CENPK: variants seen among roughly 807,000 people sequenced by gnomAD.
CENPK encodes SoxLZ/Sox6-binding protein Solt.
CENPK carries 46 observed loss-of-function variants against 40.9 expected under a neutral mutation model. The observed-to-expected ratio is 1.13, with a 90% confidence interval of 0.89 to 1.44. CENPK has a LOEUF of 1.44. CENPK is among the 40% of genes most tolerant of loss of function. CENPK has a pLI of 0.00. For synonymous variants in CENPK, 107 were observed against 104.4 expected, an observed-to-expected ratio of 1.02 and a Z score of -0.15; for missense variants, 288 against 303.5, an observed-to-expected ratio of 0.95 and a Z score of 0.38.
intron 10 of CENPK, among the ~76,000 whole-genome samples, chr5:65,519,650 A>C (rs754961639): frequency 1.3e-5 from 2 of 152,200 alleles, no homozygotes; most frequent in African/African-American, 2.4e-5. Context: ...GTGCCATAGA[A>C]ATAAATCAAA....
chr5:65,509,703 T>A, the CENPK span, among the ~76,000 whole-genome samples: 5 of 152,232 alleles, frequency 3.3e-5, no homozygotes, highest in Non-Finnish European at 5.9e-5. Context: ...TTAATGAGTT[T>A]CCCTTTACAG....
chr5:65,562,596 A>G (rs751434749), intron 1 of CENPK, among the ~76,000 whole-genome samples: 11 of 152,200 alleles, frequency 7.2e-5, no homozygotes, highest in Non-Finnish European at 1.3e-4. Flanking sequence ...TTAAGATAAT[A>G]CATTTTATGT....
intron 6 of CENPK, among the ~76,000 whole-genome samples, chr5:65,530,570 AT>A (rs1745613214): frequency 6.6e-6 from 1 of 152,248 alleles, no homozygotes; most frequent in African/African-American, 2.4e-5. Flanking sequence ...CTAGTGTTCC[AT>A]TCTCCTGATC....
In CENPK at chr5:65,518,291, T is replaced by C; in HGVS notation, c.*184A>G. 1 of 576,994 alleles carries C rather than the reference T, an allele frequency of 1.7e-6. No individual in the cohort carries two copies. Among genetic ancestry groups the C allele is most frequent in the South Asian group, 2.2e-5 (1 of 44,450 alleles). 35.7% of individuals were successfully genotyped at this position (576,994 alleles called of 1,614,324 possible). The stretch of plus-strand genomic sequence containing the variant: ...CATATAGTTTAAAACACTAAAGCAC[T>C]CACTGAATAAGAAATGACCATTTAA... On this transcript the variant is annotated 3_prime_UTR_variant, in exon 11 of 11. Transcript: ENST00000396679.
intron 9 of CENPK, among the ~76,000 whole-genome samples, chr5:65,527,847 A>G (rs1204774538): frequency 6.6e-6 from 1 of 152,156 alleles, no homozygotes; most frequent in Non-Finnish European, 1.5e-5. Flanking sequence ...TCATTCAACA[A>G]TAAGTTGTAT....
chr5:65,544,290 T>C (rs1483693430), intron 5 of CENPK, among the ~76,000 whole-genome samples: 1 of 152,196 alleles, frequency 6.6e-6, no homozygotes, highest in Non-Finnish European at 1.5e-5. Context: ...GACCTCACTT[T>C]TTAACACTAT....
chr5:65,552,519 C>A lies in CENPK; in HGVS notation c.142G>T (p.Glu48Ter). The A allele has an allele frequency of 6.4e-7, 1 of 1,560,608 alleles. No individual in the cohort carries two copies. The highest frequency in any genetic ancestry group is 8.7e-7 in the Non-Finnish European group (1 of 1,155,214). ...TGAGCATTTGAATCGGTGAGTGTTTCAGTTCCAATAAGTGATAATTTATTC... is the reference window on the plus strand; with the variant it reads ...TGAGCATTTGAATCGGTGAGTGTTTAAGTTCCAATAAGTGATAATTTATTC... ...CQNKLSLIGTETLTDSNAQLS... is the reference protein window; with the variant it reads ...CQNKLSLIGT The change falls in exon 4 of 11, where the codon GAA becomes TAA. Residue 48 changes from glutamate (E) to a stop codon, truncating the protein, a stop_gained. Transcript: ENST00000396679. LOFTEE classifies it high-confidence loss of function.
At chr5:65,561,597 A>AAC (rs10560318) in intron 1 of CENPK, 33 bp from the exon 2 acceptor site, 6,970 of 381,732 alleles carry the variant, frequency 0.018, 88 homozygotes, top group Middle Eastern at 0.074. Context: ...GTTTAATTAA[A>AAC]ACACACACAC....
At chr5:65,524,310 G>A (rs1744280298) in intron 9 of CENPK, among the ~76,000 whole-genome samples, 2 of 150,874 alleles carry the variant, frequency 1.3e-5, no homozygotes, top group South Asian at 2.1e-4. Flanking sequence ...GTGTGAACCC[G>A]GGAGGTGGAG....
chr5:65,503,575 T>C, the CENPK span, among the ~76,000 whole-genome samples: 5 of 152,336 alleles, frequency 3.3e-5, no homozygotes, highest in African/African-American at 1.2e-4. Flanking sequence ...CAGAAATTTA[T>C]AATTTAAATT....
intron 5 of CENPK, among the ~76,000 whole-genome samples, chr5:65,547,632 T>G (rs778820891): frequency 1.3e-5 from 2 of 151,820 alleles, no homozygotes; most frequent in Non-Finnish European, 2.9e-5. Flanking sequence ...AGGAAGAGAA[T>G]GAGGAGAAAA....
intron 6 of CENPK, among the ~76,000 whole-genome samples, chr5:65,537,738 T>C (rs1440747638): frequency 6.6e-6 from 1 of 152,230 alleles, no homozygotes; most frequent in Non-Finnish European, 1.5e-5. Flanking sequence ...TATTTTAGCA[T>C]GTATCTCCAC....
intron 5 of CENPK, among the ~76,000 whole-genome samples, chr5:65,545,065 T>C (rs1049581785): frequency 6.6e-6 from 1 of 152,066 alleles, no homozygotes; most frequent in Non-Finnish European, 1.5e-5. Context: ...AAACAAAACC[T>C]GAGGGACTTG....
chr5:65,537,453 C>T (rs1234422232), intron 6 of CENPK, among the ~76,000 whole-genome samples: 2 of 152,094 alleles, frequency 1.3e-5, no homozygotes, highest in East Asian at 1.9e-4. Context: ...TACAGGAACC[C>T]GCCACCACGC....
At chr5:65,549,919 T>C (rs1330253266) in intron 5 of CENPK, among the ~76,000 whole-genome samples, 1 of 152,100 alleles carries the variant, frequency 6.6e-6, no homozygotes, top group Admixed American at 6.6e-5. Flanking sequence ...AAATTTTTCC[T>C]GCACTTTGGG....
chr5:65,518,560 T>G lies in CENPK; in HGVS notation c.725A>C (p.Tyr242Ser). 1 of 1,612,662 alleles carries G rather than the reference T, an allele frequency of 6.2e-7. No individual in the cohort carries two copies. The highest frequency in any genetic ancestry group is 8.5e-7 in the Non-Finnish European group (1 of 1,179,060). Residue 242 changes from tyrosine to serine, a missense_variant, in exon 11 of 11, where the codon TAT (tyrosine) becomes TCT (serine). By Grantham distance (144) the Tyr-to-Ser change is moderately radical. Coordinates refer to ENST00000396679, the MANE Select transcript of CENPK (RefSeq NM_022145.5). ...TCCATTACGCAGCAGCAGCTCAACA[T>G]AAGGTGGCCAAAAGGAATCACTAAT... Reference protein sequence around the residue: ...VKISDSFWPPYVELLLRNGIA... With the variant: ...VKISDSFWPPSVELLLRNGIA...
chr5:65,503,327 G>A, the CENPK span, among the ~76,000 whole-genome samples: 2 of 152,014 alleles, frequency 1.3e-5, no homozygotes, highest in Non-Finnish European at 2.9e-5. Context: ...GGCAAGTCTC[G>A]AAATCCTGAC....
downstream of CENPK, among the ~76,000 whole-genome samples, chr5:65,514,961 G>GC (rs148394510): frequency 0.41 from 61,349 of 151,250 alleles, 12,699 homozygotes; most frequent in East Asian, 0.65. Context: ...TTTTGTTATG[G>GC]TAAAAGTTTT....
intron 6 of CENPK, among the ~76,000 whole-genome samples, chr5:65,532,910 C>CCAAA (rs1469972529): frequency 1.9e-4 from 7 of 37,012 alleles, no homozygotes; most frequent in Non-Finnish European, 2.3e-4. Context: ...ACTCCATCTC[C>CCAAA]AAAAAAAAAA....
Sources: allele counts gnomAD v4.1 joint callset (sites outside exome capture counted in the v4.1 genomes callset), GRCh38; gene constraint gnomAD v4.1.1; transcripts MANE v1.5; gene names NCBI Gene and HGNC (gene_info 2026-07-23, HGNC 2026-07-21).